Variants in CDH4 observed in about 807,000 individuals in gnomAD.
CDH4 encodes the protein cadherin-4.
CDH4 carries 33 observed loss-of-function variants against 86.0 expected under a neutral mutation model. The observed-to-expected ratio is 0.38, with a 90% CI of 0.29 to 0.51. The LOEUF (loss-of-function observed/expected upper bound fraction) is 0.51, where lower values mean the gene tolerates loss of function less well. CDH4 is among the 20% of genes least tolerant of loss of function. The pLI is 0.86. For missense variants in CDH4, 1,114 were observed against 1,307.4 expected, an observed-to-expected ratio of 0.85 and a Z score of 2.28; for synonymous variants, 555 against 549.4, an observed-to-expected ratio of 1.01 and a Z score of -0.14.
chr20:61,491,247 TG>T (rs1035424899), intron 2 of CDH4, among the ~76,000 whole-genome samples: 1 of 152,210 alleles, frequency 6.6e-6, no homozygotes, highest in Non-Finnish European at 1.5e-5. Context: ...TGTGTTAAGT[TG>T]GGCCAAGGCA....
chr20:61,335,078 G>A (rs4810233), intron 2 of CDH4, among the ~76,000 whole-genome samples: 84,367 of 152,072 alleles, frequency 0.55, 23,450 homozygotes, highest in East Asian at 0.68. Context: ...TCTCTCTAAC[G>A]TGGTTTCGTG....
At chr20:61,903,601 C>T (rs1460655951) in intron 8 of CDH4, among the ~76,000 whole-genome samples, 2 of 147,706 alleles carry the variant, frequency 1.4e-5, no homozygotes, top group South Asian at 2.1e-4. Flanking sequence ...TTTGGTTTTT[C>T]CCATTTTTCT....
chr20:61,526,216 A>G (rs2085909097), intron 2 of CDH4, among the ~76,000 whole-genome samples: 1 of 149,442 alleles, frequency 6.7e-6, no homozygotes, highest in African/African-American at 2.5e-5. Context: ...AAGTCTGCCC[A>G]GGCAGAAGCA....
intron 2 of CDH4, among the ~76,000 whole-genome samples, chr20:61,589,334 AAGAC>A (rs2086500855): frequency 6.6e-6 from 1 of 152,246 alleles, no homozygotes; most frequent in Admixed American, 6.5e-5. Context: ...ACTTAGACTT[AAGAC>A]AGACAGAAAT....
At chr20:61,430,939 C>T (rs966634559) in intron 2 of CDH4, among the ~76,000 whole-genome samples, 2 of 152,224 alleles carry the variant, frequency 1.3e-5, no homozygotes, top group African/African-American at 4.8e-5. Context: ...AACAGGGTGT[C>T]ATCGGCAAGA....
At chr20:61,340,602 C>A (rs546675106) in intron 2 of CDH4, among the ~76,000 whole-genome samples, 2 of 146,140 alleles carry the variant, frequency 1.4e-5, no homozygotes, top group Admixed American at 6.9e-5. Context: ...TTTTTTTTTT[C>A]AAGACAGTGT....
At chr20:61,391,034 G>C (rs145943126) in intron 2 of CDH4, among the ~76,000 whole-genome samples, 201 of 152,266 alleles carry the variant, frequency 1.3e-3, no homozygotes, top group African/African-American at 4.6e-3. Flanking sequence ...TGCCGCAGTG[G>C]GGGGTAGCCT....
At chr20:61,885,255 C>T (rs1984488160) in intron 7 of CDH4, among the ~76,000 whole-genome samples, 1 of 152,200 alleles carries the variant, frequency 6.6e-6, no homozygotes, top group South Asian at 2.1e-4. Context: ...TGACTTAGCT[C>T]CAGGACTCTT....
chr20:61,915,586 T>C (rs1315541203), intron 9 of CDH4, among the ~76,000 whole-genome samples: 1 of 152,142 alleles, frequency 6.6e-6, no homozygotes, highest in African/African-American at 2.4e-5. Context: ...AAACGGGAGA[T>C]CCATGTGACA....
At chr20:61,665,162 C>T (rs1019565870) in intron 2 of CDH4, among the ~76,000 whole-genome samples, 9 of 152,288 alleles carry the variant, frequency 5.9e-5, no homozygotes, top group Admixed American at 2.6e-4. Flanking sequence ...CTGAAGGGCC[C>T]GTGTCTGTTG....
chr20:61,853,298 G>T (rs185425680), intron 6 of CDH4, among the ~76,000 whole-genome samples: 1 of 152,300 alleles, frequency 6.6e-6, no homozygotes, highest in Non-Finnish European at 1.5e-5. Context: ...GGCTAGGGGA[G>T]CAAGGTGCCC....
intron 2 of CDH4, among the ~76,000 whole-genome samples, chr20:61,559,519 CTT>C (rs1156864328): frequency 1.9e-4 from 20 of 105,150 alleles, no homozygotes; most frequent in South Asian, 6.7e-4. Context: ...ATTTTTTTTT[CTT>C]TTTTTTTTTT....
At chr20:61,872,028 G>A (rs1382321648) in intron 6 of CDH4, among the ~76,000 whole-genome samples, 2 of 152,182 alleles carry the variant, frequency 1.3e-5, no homozygotes, top group African/African-American at 2.4e-5. Flanking sequence ...GAGGGAGGGC[G>A]AGGTGGGGGA....
At chr20:61,877,556 G>A (rs887863899) in intron 7 of CDH4, among the ~76,000 whole-genome samples, 1 of 152,156 alleles carries the variant, frequency 6.6e-6, no homozygotes, top group Admixed American at 6.5e-5. Context: ...TGAACAGCCC[G>A]GCTTCTATCC....
intron 2 of CDH4, among the ~76,000 whole-genome samples, chr20:61,461,484 A>G (rs2085442040): frequency 6.6e-6 from 1 of 152,126 alleles, no homozygotes; most frequent in African/African-American, 2.4e-5. Flanking sequence ...GAAGGAAGAG[A>G]CTGAGGGGGC....
At chr20:61,552,865 G>GA (rs59080880) in intron 2 of CDH4, among the ~76,000 whole-genome samples, 68 of 148,502 alleles carry the variant, frequency 4.6e-4, no homozygotes, top group East Asian at 5.9e-4. Context: ...CCACTGTAAA[G>GA]AAAAAAAAAA....
chr20:61,566,091 G>T (rs2086295748), intron 2 of CDH4, among the ~76,000 whole-genome samples: 1 of 152,156 alleles, frequency 6.6e-6, no homozygotes, highest in Non-Finnish European at 1.5e-5. Context: ...GGTGCCTCGG[G>T]CTGAGTCTCC....
intron 2 of CDH4, among the ~76,000 whole-genome samples, chr20:61,467,016 G>A (rs2085476071): frequency 6.6e-6 from 1 of 152,190 alleles, no homozygotes; most frequent in African/African-American, 2.4e-5. Context: ...GTTCTCACTG[G>A]TTTTAATATT....
At chr20:61,887,591 A>C (rs1161540244) in intron 7 of CDH4, among the ~76,000 whole-genome samples, 1 of 152,226 alleles carries the variant, frequency 6.6e-6, no homozygotes, top group Non-Finnish European at 1.5e-5. Flanking sequence ...AATATATAGA[A>C]AAGAATACAT....
Sources: gnomAD v4.1 joint callset for allele counts (sites outside exome capture counted in the v4.1 genomes callset) on GRCh38, gnomAD v4.1.1 for gene constraint, MANE v1.5 for transcripts, NCBI Gene and HGNC (gene_info 2026-07-23, HGNC 2026-07-21) for gene names.